Variants in MYLK observed in about 807,000 individuals in gnomAD.
MYLK encodes the protein myosin light chain kinase.
In MYLK, 106 loss-of-function variants were observed where a neutral mutation model predicts 203.4. The ratio of observed to expected loss-of-function variants is 0.52; its 90% CI spans 0.45 to 0.61. The LOEUF (loss-of-function observed/expected upper bound fraction) is 0.61, where lower values mean the gene tolerates loss of function less well. Among genes scored for constraint, MYLK ranks in the 20% least tolerant of loss-of-function variants. The pLI, the probability that MYLK is intolerant of heterozygous loss-of-function variation, is 0.00. For missense variants in MYLK, 2,072 were observed against 2,442.3 expected, an observed-to-expected ratio of 0.85 and a Z score of 3.20; for synonymous variants, 867 against 959.5, an observed-to-expected ratio of 0.90 and a Z score of 1.78.
chr3:123,738,314 T>C (rs1177097719), intron 7 of MYLK, among the ~76,000 whole-genome samples: 1 of 152,104 alleles, frequency 6.6e-6, no homozygotes, highest in African/African-American at 2.4e-5. Flanking sequence ...TGCTATTTTG[T>C]GAGTGTGAGA....
At chr3:123,754,606 G>A (rs1487877123) in intron 4 of MYLK, among the ~76,000 whole-genome samples, 1 of 152,110 alleles carries the variant, frequency 6.6e-6, no homozygotes, top group African/African-American at 2.4e-5. Flanking sequence ...CGCATCCATT[G>A]GGATGCACAG....
chr3:123,777,425 G>C (rs1416929087), intron 4 of MYLK, among the ~76,000 whole-genome samples: 1 of 152,222 alleles, frequency 6.6e-6, no homozygotes, highest in Non-Finnish European at 1.5e-5. Flanking sequence ...GCAAGCCCAT[G>C]TTTATAAGCA....
chr3:123,783,015 T>C (rs1268435087), intron 4 of MYLK, among the ~76,000 whole-genome samples: 1 of 152,254 alleles, frequency 6.6e-6, no homozygotes. Flanking sequence ...TTTTCATTTA[T>C]GGATATAGCT....
At chr3:123,868,829 C>T (rs541237781) in intron 2 of MYLK, among the ~76,000 whole-genome samples, 2 of 152,288 alleles carry the variant, frequency 1.3e-5, no homozygotes, top group East Asian at 3.9e-4. Context: ...TTTTATGTGG[C>T]AGGCCTAATT....
At chr3:123,730,264 A>G (rs958448029) in intron 11 of MYLK, among the ~76,000 whole-genome samples, 2 of 152,202 alleles carry the variant, frequency 1.3e-5, no homozygotes, top group African/African-American at 4.8e-5. Flanking sequence ...CAAGCAAGAA[A>G]ATAACAAGTA....
intron 3 of MYLK, among the ~76,000 whole-genome samples, chr3:123,812,492 C>T (rs1263043296): frequency 1.3e-5 from 2 of 152,186 alleles, no homozygotes; most frequent in Non-Finnish European, 2.9e-5. Flanking sequence ...TAAAGCAGAG[C>T]GTTCTCTCTT....
chr3:123,708,255 G>A (rs1215394728), intron 15 of MYLK, among the ~76,000 whole-genome samples: 5 of 152,174 alleles, frequency 3.3e-5, no homozygotes, highest in Non-Finnish European at 5.9e-5. Context: ...AGAAGGCACG[G>A]GGCACCGAGC....
intron 5 of MYLK, among the ~76,000 whole-genome samples, chr3:123,749,132 AGCTCAGTGTAGTGGT>A (rs2063117001): frequency 4.0e-5 from 6 of 148,382 alleles, no homozygotes; most frequent in African/African-American, 1.5e-4. Context: ...TACATAAATT[AGCTCAGTGTAGTGGT>A]GCAGGCCTAT....
chr3:123,787,226 T>C (rs1221354397), intron 4 of MYLK, among the ~76,000 whole-genome samples: 1 of 151,716 alleles, frequency 6.6e-6, no homozygotes, highest in Admixed American at 6.6e-5. Context: ...CTGAAGGAGG[T>C]AGAATTTAAA....
chr3:123,716,892 CTGT>C lies in MYLK; in HGVS notation c.1804+5233_1804+5235del, dbSNP rs532741906. On this transcript the variant is annotated intron_variant, in intron 13 of 33. Coordinates refer to ENST00000360304, the MANE Select transcript of MYLK (RefSeq NM_053025.4). ...TACATGTATATGCTCAGAAGTCTTT[CTGT>C]AACACAAAGAACCCATGTGGTACAC... is the stretch of plus-strand genomic sequence containing the variant. Among the ~76,000 whole-genome samples the C allele has an allele frequency of 9.2e-5, 14 of 152,212 alleles. No individual in the cohort carries two copies. In the South Asian group the frequency reaches 2.9e-3, roughly 32 times the overall value.
intron 24 of MYLK, among the ~76,000 whole-genome samples, chr3:123,649,852 T>C (rs900914085): frequency 6.6e-6 from 1 of 152,190 alleles, no homozygotes; most frequent in African/African-American, 2.4e-5. Flanking sequence ...GGTGCAATTG[T>C]AAGTGAGAGC....
chr3:123,647,539 G>C (rs1312078480), intron 26 of MYLK, 112 bp from the exon 27 acceptor site: 1 of 904,734 alleles, frequency 1.1e-6, no homozygotes, highest in African/African-American at 1.6e-5. Flanking sequence ...CCTTTTATAA[G>C]TAAGGTGTTA....
At chr3:123,829,738 T>A (rs1017246025) in intron 3 of MYLK, among the ~76,000 whole-genome samples, 1 of 152,212 alleles carries the variant, frequency 6.6e-6, no homozygotes, top group South Asian at 2.1e-4. Flanking sequence ...GTAAATTTTT[T>A]AAAATTAAAT....
At chr3:123,686,841 C>T (rs763173344) in intron 19 of MYLK, among the ~76,000 whole-genome samples, 3 of 152,158 alleles carry the variant, frequency 2.0e-5, no homozygotes, top group East Asian at 3.8e-4. Flanking sequence ...CTACACCATT[C>T]GCCAGTATTG....
chr3:123,645,332 A>G (rs2058977729), intron 27 of MYLK, among the ~76,000 whole-genome samples: 1 of 152,192 alleles, frequency 6.6e-6, no homozygotes, highest in Non-Finnish European at 1.5e-5. Flanking sequence ...CGGAACTACT[A>G]TTGCCTTTCC....
chr3:123,672,805 T>G (rs2059956570), intron 20 of MYLK, among the ~76,000 whole-genome samples: 1 of 152,252 alleles, frequency 6.6e-6, no homozygotes, highest in African/African-American at 2.4e-5. Context: ...TTATATCCTA[T>G]TCTATACATA....
intron 5 of MYLK, 106 bp downstream of exon 5, chr3:123,752,225 C>T: frequency 8.2e-7 from 1 of 1,222,682 alleles, no homozygotes; most frequent in South Asian, 1.2e-5. Context: ...TGTGTTTTCT[C>T]TTGTCAGTTC....
chr3:123,668,510 TG>T (rs1248058457), intron 20 of MYLK, among the ~76,000 whole-genome samples: 1 of 40,622 alleles, frequency 2.5e-5, no homozygotes, highest in Non-Finnish European at 4.8e-5. Flanking sequence ...AGAGGTAGGG[TG>T]GGGGAGGGGT....
At position 123,722,408 on chromosome 3, in the gene MYLK, C is replaced by A. The variant is rs2062125118; in HGVS notation, c.1652-128G>T. On this transcript the variant is annotated intron_variant, in intron 12 of 33. Transcript: ENST00000360304. ...CATGCTTGCTCAGATCCACTGAGGG[C>A]TAATGATGTACCATGCACATCTCCA... is the stretch of plus-strand genomic sequence containing the variant. 3.6e-6 allele frequency: 4 copies of A among 1,125,574 alleles called. No homozygotes were observed. The Admixed American group carries it at 6.0e-5, about 17-fold the overall frequency. The allele number at this position is 1,125,574 out of a possible 1,614,324, so 69.7% of individuals were successfully genotyped here.
Sources: gnomAD v4.1 joint callset for allele counts (sites outside exome capture counted in the v4.1 genomes callset) on GRCh38, gnomAD v4.1.1 for gene constraint, MANE v1.5 for transcripts, NCBI Gene and HGNC (gene_info 2026-07-23, HGNC 2026-07-21) for gene names.